FSTL5: variants seen among roughly 807,000 people sequenced by gnomAD.
FSTL5 encodes follistatin-related protein 5.
Under a neutral mutation model 89.1 loss-of-function variants are expected in FSTL5, and 62 were observed. The ratio of observed to expected loss-of-function variants is 0.70; its 90% CI spans 0.57 to 0.86. The LOEUF is 0.86. Among genes scored for constraint, FSTL5 ranks in the 40% least tolerant of loss-of-function variants. The pLI is 0.00. For missense variants in FSTL5, 1,057 were observed against 1,001.6 expected (o/e 1.06, Z -0.75); for synonymous variants, 383 against 346.2 (o/e 1.11, Z -1.18).
At position 161,597,581 on chromosome 4, in the gene FSTL5, G is replaced by T. The variant is rs142140133; in HGVS notation, c.895-10006C>A. On this transcript the variant is annotated intron_variant, in intron 7 of 15. Transcript: ENST00000306100. ...CAATATGGCACATGTATACATATGT[G>T]ACAAACCTGCACGTTGTGCACATGT... Among the ~76,000 whole-genome samples the T allele has an allele frequency of 1.2e-3, 182 of 151,520 alleles. 4 individuals are homozygous for T. In the East Asian group the frequency reaches 0.028, roughly 23 times the overall value.
At chr4:161,885,239 T>C (rs372862157) in intron 4 of FSTL5, among the ~76,000 whole-genome samples, 8 of 152,156 alleles carry the variant, frequency 5.3e-5, no homozygotes, top group Non-Finnish European at 1.0e-4. Context: ...AAATCGTATT[T>C]GATTCATATT....
intron 7 of FSTL5, among the ~76,000 whole-genome samples, chr4:161,617,395 CA>C (rs1734913581): frequency 6.6e-6 from 1 of 151,840 alleles, no homozygotes; most frequent in African/African-American, 2.4e-5. Context: ...ACCAGAGGAA[CA>C]ATATAAAGTG....
At chr4:161,503,330 T>C (rs1578882592) in intron 11 of FSTL5, among the ~76,000 whole-genome samples, 1 of 151,980 alleles carries the variant, frequency 6.6e-6, no homozygotes, top group East Asian at 1.9e-4. Context: ...TAACCAGACT[T>C]TGATAACTAT....
At chr4:162,089,447 C>T (rs925226047) in intron 2 of FSTL5, among the ~76,000 whole-genome samples, 8 of 151,598 alleles carry the variant, frequency 5.3e-5, no homozygotes, top group Admixed American at 2.0e-4. Context: ...CTAGCCTGGC[C>T]AACATGGTGA....
chr4:161,857,931 C>A (rs991131714), intron 4 of FSTL5, among the ~76,000 whole-genome samples: 5 of 152,122 alleles, frequency 3.3e-5, no homozygotes, highest in Non-Finnish European at 7.3e-5. Context: ...TAACTTTCGG[C>A]AAACTACCAA....
chr4:161,812,966 A>G (rs1730206369), intron 4 of FSTL5, among the ~76,000 whole-genome samples: 1 of 150,032 alleles, frequency 6.7e-6, no homozygotes, highest in African/African-American at 2.4e-5. Flanking sequence ...CACTGATAAC[A>G]TGTACATAAA....
chr4:162,067,660 T>TAGAG (rs1738963800), intron 2 of FSTL5, among the ~76,000 whole-genome samples: 1 of 151,832 alleles, frequency 6.6e-6, no homozygotes, highest in Non-Finnish European at 1.5e-5. Context: ...AAAGATGACC[T>TAGAG]CTCTTACCAC....
At chr4:161,625,237 G>A (rs116427226) in intron 7 of FSTL5, among the ~76,000 whole-genome samples, 2 of 152,116 alleles carry the variant, frequency 1.3e-5, no homozygotes, top group Non-Finnish European at 2.9e-5. Flanking sequence ...ATGCTTTACA[G>A]ATATTGCAAT....
chr4:161,441,643 A>G lies in FSTL5; in HGVS notation c.1841+13361T>C, dbSNP rs1732765940. Among the ~76,000 whole-genome samples the G allele has an allele frequency of 3.9e-5, 6 of 152,240 alleles. No homozygotes were observed. The South Asian group carries it at 1.2e-3, about 32-fold the overall frequency. On this transcript the variant is annotated intron_variant, in intron 15 of 15. Transcript: ENST00000306100. Reference sequence around the variant, plus strand: ...GTGAAAGACAAATTTTGAACAAGCAATTTAGGAGATTTAAAATAGAATCTA... The same window carrying G: ...GTGAAAGACAAATTTTGAACAAGCAGTTTAGGAGATTTAAAATAGAATCTA...
At chr4:161,892,417 G>T (rs1377015070) in intron 4 of FSTL5, among the ~76,000 whole-genome samples, 2 of 152,104 alleles carry the variant, frequency 1.3e-5, no homozygotes, top group East Asian at 1.9e-4. Flanking sequence ...CAGAGAAAAA[G>T]TTAGTTAATT....
At chr4:161,444,331 CT>C (rs1171709448) in intron 15 of FSTL5, among the ~76,000 whole-genome samples, 3 of 151,844 alleles carry the variant, frequency 2.0e-5, no homozygotes, top group Non-Finnish European at 2.9e-5. Flanking sequence ...TGACACAACA[CT>C]ATATTTTTTC....
chr4:161,639,350 C>A (rs1735860681), intron 7 of FSTL5, among the ~76,000 whole-genome samples: 1 of 152,152 alleles, frequency 6.6e-6, no homozygotes, highest in Non-Finnish European at 1.5e-5. Context: ...GCTACCTATC[C>A]TTCCCATGGT....
chr4:162,064,619 C>T (rs1219330184), intron 2 of FSTL5, among the ~76,000 whole-genome samples: 3 of 151,974 alleles, frequency 2.0e-5, no homozygotes, highest in Admixed American at 6.6e-5. Context: ...CAGACTGGAA[C>T]TACAGACCAA....
intron 3 of FSTL5, among the ~76,000 whole-genome samples, chr4:162,015,887 G>A (rs1736903441): frequency 6.6e-6 from 1 of 152,140 alleles, no homozygotes; most frequent in African/African-American, 2.4e-5. Flanking sequence ...TTCATATGCT[G>A]GATGAGAAGA....
intron 11 of FSTL5, among the ~76,000 whole-genome samples, chr4:161,506,228 C>T (rs1730475221): frequency 8.6e-6 from 1 of 116,168 alleles, no homozygotes; most frequent in Admixed American, 9.2e-5. Flanking sequence ...GCCATCACGC[C>T]CGGCATTTTT....
intron 1 of FSTL5, among the ~76,000 whole-genome samples, chr4:162,135,335 T>A (rs1244575556): frequency 6.6e-6 from 1 of 152,040 alleles, no homozygotes; most frequent in Admixed American, 6.5e-5. Flanking sequence ...ATAAATTATA[T>A]GTTTTTTAAT....
At chr4:161,933,192 A>ATG (rs1734340312) in intron 3 of FSTL5, among the ~76,000 whole-genome samples, 1 of 152,080 alleles carries the variant, frequency 6.6e-6, no homozygotes, top group African/African-American at 2.4e-5. Flanking sequence ...TACACTGCCA[A>ATG]TGTATTGGAC....
chr4:161,526,148 A>G (rs966437715), intron 10 of FSTL5, among the ~76,000 whole-genome samples: 2 of 152,154 alleles, frequency 1.3e-5, no homozygotes, highest in African/African-American at 4.8e-5. Flanking sequence ...TGTGAAACAT[A>G]ACTCTGAAAT....
At chr4:161,473,657 C>T (rs1020628607) in intron 13 of FSTL5, among the ~76,000 whole-genome samples, 1 of 152,078 alleles carries the variant, frequency 6.6e-6, no homozygotes, top group Non-Finnish European at 1.5e-5. Flanking sequence ...GTCTTGAACT[C>T]CTGGGGCCAC....
Sources: allele counts gnomAD v4.1 joint callset (sites outside exome capture counted in the v4.1 genomes callset), GRCh38; gene constraint gnomAD v4.1.1; transcripts MANE v1.5; gene names NCBI Gene and HGNC (gene_info 2026-07-23, HGNC 2026-07-21).